Variants in EDEM1 observed in about 807,000 individuals in gnomAD.
EDEM1 encodes the protein ER degradation enhancing alpha-mannosidase like protein 1.
A neutral mutation model predicts 74.4 loss-of-function variants in EDEM1; 67 were observed. The ratio of observed to expected loss-of-function variants is 0.90; its 90% CI spans 0.74 to 1.10. EDEM1 has a LOEUF of 1.10. Ranked by LOEUF, EDEM1 falls within the 50% of genes least tolerant of loss-of-function variation. The probability of loss-of-function intolerance (pLI) is 0.00; values close to 1 mark genes in which losing one functional copy is unlikely to be tolerated. For missense variants in EDEM1, 926 were observed against 851.6 expected (o/e 1.09, Z -1.09); for synonymous variants, 382 against 335.9 (o/e 1.14, Z -1.50).
chr3:5,211,858 T>C (rs756720768), intron 10 of EDEM1, among the ~76,000 whole-genome samples: 1 of 152,206 alleles, frequency 6.6e-6, no homozygotes, highest in Admixed American at 6.5e-5. Context: ...CCTGACTCCC[T>C]GTCTGGTGCT....
At chr3:5,196,461 G>GAC (rs34441448) in intron 2 of EDEM1, among the ~76,000 whole-genome samples, 109,257 of 148,700 alleles carry the variant, frequency 0.73, 41,965 homozygotes, top group Admixed American at 0.86. Flanking sequence ...CATCTCTGGA[G>GAC]ACACACACAC....
chr3:5,187,911 C>T lies in EDEM1; in HGVS notation c.106C>T (p.Arg36Cys), dbSNP rs912923299. ...GLGPSMGFYQ[R>C]FPLSFGFQRL... is the part of the protein sequence containing the mutation. ...GGGGCCCAGCATGGGCTTCTACCAG[C>T]GCTTTCCGCTCAGCTTCGGCTTCCA... Residue 36 changes from arginine to cysteine, a missense_variant, in exon 1 of 12, where the codon CGC becomes TGC. Transcript: ENST00000256497. 4.4e-6 allele frequency: 7 copies of T among 1,597,608 alleles called. No individual in the cohort carries two copies. Among genetic ancestry groups the T allele is most frequent in the East Asian group, 2.3e-5 (1 of 43,810 alleles).
intron 1 of EDEM1, among the ~76,000 whole-genome samples, chr3:5,189,898 C>T (rs2054880082): frequency 6.6e-6 from 1 of 152,172 alleles, no homozygotes; most frequent in East Asian, 1.9e-4. Context: ...CGCTCCCGGC[C>T]ATGGTCTTTC....
chr3:5,188,338 G>A (rs953081860), intron 1 of EDEM1, 24 bp downstream of exon 1: 9 of 1,404,064 alleles, frequency 6.4e-6, no homozygotes, highest in Non-Finnish European at 8.4e-6. Flanking sequence ...GCCGCCCGGG[G>A]CCGCGCGCCC....
In EDEM1 at chr3:5,188,011, C is replaced by A. The variant is rs947047463; in HGVS notation, c.206C>A (p.Pro69Gln). 16 of 1,481,648 alleles carry A rather than the reference C, an allele frequency of 1.1e-5. No homozygotes were observed. The highest frequency in any genetic ancestry group is 2.5e-5 in the Admixed American group (1 of 39,878). The allele number at this position is 1,481,648 out of a possible 1,614,324, so 91.8% of individuals were successfully genotyped here. A position where few individuals can be genotyped will look rare whatever the true frequency, so the allele number is the denominator to read the frequency against. ...PVGRPGGVSG[P>Q]SWLQPPGTGA... ...GGCCGGCCTGGGGGGGTATCCGGGC[C>A]GTCGTGGCTGCAGCCGCCGGGGACC... The change falls in exon 1 of 12, where the codon CCG (proline) becomes CAG (glutamine). Residue 69 changes from proline to glutamine, a missense_variant. Coordinates refer to ENST00000256497, the MANE Select transcript of EDEM1 (RefSeq NM_014674.3).
intron 11 of EDEM1, among the ~76,000 whole-genome samples, chr3:5,215,594 C>T (rs150114969): frequency 5.9e-5 from 9 of 152,268 alleles, no homozygotes; most frequent in East Asian, 1.9e-4. Flanking sequence ...ATTGGAACAG[C>T]GTCTGGAGAC....
chr3:5,187,898 G>A lies in EDEM1; in HGVS notation c.93G>A (p.Met31Ile). The change falls in exon 1 of 12, where the codon ATG (methionine) becomes ATA (isoleucine). Residue 31 changes from methionine (M) to isoleucine (I), a missense_variant. Physicochemically the swap from Met to Ile is conservative, Grantham distance 10. Transcript: ENST00000256497. ...TCGTCTTCGGGCTGGGGCCCAGCAT[G>A]GGCTTCTACCAGCGCTTTCCGCTCA... ...LWLVFGLGPS[M>I]GFYQRFPLSF... 6.2e-7 allele frequency: 1 copy of A among 1,600,560 alleles called. No homozygotes were observed. Among genetic ancestry groups the A allele is most frequent in the Non-Finnish European group, 8.5e-7 (1 of 1,175,652 alleles).
At chr3:5,200,998 GCGAT>G (rs2055028357) in intron 3 of EDEM1, among the ~76,000 whole-genome samples, 1 of 151,502 alleles carries the variant, frequency 6.6e-6, no homozygotes, top group East Asian at 1.9e-4. Flanking sequence ...CTGGGCTCAA[GCGAT>G]CCTCCCACCT....
chr3:5,190,836 C>G (rs112756405), intron 1 of EDEM1, among the ~76,000 whole-genome samples: 4,274 of 152,184 alleles, frequency 0.028, 87 homozygotes, highest in Non-Finnish European at 0.048. Context: ...TACTCTCCTT[C>G]CTTTAACTCC....
At chr3:5,194,149 G>A (rs2054934859) in intron 1 of EDEM1, among the ~76,000 whole-genome samples, 1 of 152,230 alleles carries the variant, frequency 6.6e-6, no homozygotes, top group South Asian at 2.1e-4. Flanking sequence ...CCGAGGAGCA[G>A]ATGAAGTGCT....
In EDEM1 at chr3:5,203,004, T is replaced by C. The variant is rs1256202861; in HGVS notation, c.897T>C (p.Asn299=). 6.2e-7 allele frequency: 1 copy of C among 1,613,808 alleles called. No individual in the cohort carries two copies. The highest frequency in any genetic ancestry group is 2.2e-5 in the East Asian group (1 of 44,822). Residue 299 remains asparagine (N), a synonymous_variant, in exon 5 of 12, where the codon AAT becomes AAC. Coordinates refer to ENST00000256497, the MANE Select transcript of EDEM1 (RefSeq NM_014674.3). ...LKTGVPPDTN[N]ETCTAGAGSL... is the part of the protein sequence containing the mutation. ...CAGGAGTTCCTCCTGACACCAATAA[T>C]GAGACATGCACAGCGGGAGCCGGTT...
chr3:5,196,064 A>G (rs980078200), intron 2 of EDEM1, among the ~76,000 whole-genome samples: 1 of 152,218 alleles, frequency 6.6e-6, no homozygotes, highest in Non-Finnish European at 1.5e-5. Flanking sequence ...AGTCTTTACC[A>G]TGAGAAATAT....
intron 11 of EDEM1, among the ~76,000 whole-genome samples, chr3:5,214,129 T>A (rs1210508742): frequency 6.6e-6 from 1 of 152,200 alleles, no homozygotes; most frequent in East Asian, 1.9e-4. Context: ...GCCTAGATTG[T>A]CCTGAGAAGC....
At chr3:5,197,464 T>G (rs1207232045) in intron 2 of EDEM1, among the ~76,000 whole-genome samples, 1 of 152,226 alleles carries the variant, frequency 6.6e-6, no homozygotes, top group South Asian at 2.1e-4. Flanking sequence ...TATAGCTATC[T>G]GACCATAATG....
chr3:5,202,855 C>CTTTA, intron 4 of EDEM1, 111 bp from the exon 5 acceptor site: 1 of 895,558 alleles, frequency 1.1e-6, no homozygotes. Flanking sequence ...AGGGCAGACT[C>CTTTA]TCACCGTGGT....
chr3:5,216,304 ATTATATT>A lies in EDEM1; in HGVS notation c.*391_*397del. The A allele has an allele frequency of 1.3e-5, 2 of 158,154 alleles. No homozygotes were observed. Among genetic ancestry groups the A allele is most frequent in the Non-Finnish European group, 2.8e-5 (2 of 72,130 alleles). The allele number at this position is 158,154 out of a possible 1,614,324, so 9.8% of individuals were successfully genotyped here. Reference sequence around the variant, plus strand: ...GCTATGTCTTTAAAAAATTTTTTTTATTATATTTTATTTTTTTGAGACAGGGTCTTGA... The same window carrying A: ...GCTATGTCTTTAAAAAATTTTTTTTATTATTTTTTTGAGACAGGGTCTTGA... On this transcript the variant is annotated 3_prime_UTR_variant, in exon 12 of 12. Coordinates refer to ENST00000256497, the MANE Select transcript of EDEM1 (RefSeq NM_014674.3).
chr3:5,193,552 A>G (rs1357575095), intron 1 of EDEM1, among the ~76,000 whole-genome samples: 2 of 152,172 alleles, frequency 1.3e-5, no homozygotes, highest in Non-Finnish European at 2.9e-5. Context: ...CCTAGTTCCT[A>G]GACTATAGCC....
chr3:5,200,928 G>T (rs1332844837), intron 3 of EDEM1, among the ~76,000 whole-genome samples: 2 of 147,080 alleles, frequency 1.4e-5, no homozygotes, highest in Admixed American at 6.8e-5. Context: ...GCAGGGTCTT[G>T]CTCTGTTGCC....
Position 5,206,311 on chromosome 3 carries a change from G to C in EDEM1, c.1218-842G>C, listed in dbSNP as rs143711026. 9.0e-3 allele frequency among the ~76,000 whole-genome samples: 1,370 copies of C among 151,646 alleles called. 12 individuals carry two copies. The highest frequency in any genetic ancestry group is 0.041 in the Middle Eastern group (12 of 294). ...CAACCTCTGCCTCCTGCGTTCAAGC[G>C]ATTCTCCTGCCTCAGCCTCCTGAGT... On this transcript the variant is annotated intron_variant, in intron 6 of 11. Coordinates refer to ENST00000256497, the MANE Select transcript of EDEM1 (RefSeq NM_014674.3).
Sources: allele counts gnomAD v4.1 joint callset (sites outside exome capture counted in the v4.1 genomes callset), GRCh38; gene constraint gnomAD v4.1.1; transcripts MANE v1.5; gene names NCBI Gene and HGNC (gene_info 2026-07-23, HGNC 2026-07-21).